The following TTLL5 variants were observed in gnomAD, a reference collection of about 807,000 sequenced individuals.
TTLL5 encodes the protein tubulin tyrosine ligase like 5, also known as tubulin polyglutamylase TTLL5.
A neutral mutation model predicts 168.4 loss-of-function variants in TTLL5; 132 were observed. The ratio of observed to expected loss-of-function variants is 0.78; its 90% confidence interval spans 0.68 to 0.91. TTLL5 has a LOEUF of 0.91. Among genes scored for constraint, TTLL5 ranks in the 40% least tolerant of loss-of-function variants. TTLL5 has a pLI of 0.00. For missense variants in TTLL5, 1,545 were observed against 1,581.5 expected (o/e 0.98, Z 0.39); for synonymous variants, 546 against 558.6 (o/e 0.98, Z 0.32).
At chr14:75,912,097 C>G (rs1450598614) in intron 31 of TTLL5, among the ~76,000 whole-genome samples, 1 of 152,202 alleles carries the variant, frequency 6.6e-6, no homozygotes, top group East Asian at 1.9e-4. Flanking sequence ...GCTGGCTCCT[C>G]CGCAGCCAGC....
chr14:75,783,413 C>T lies in TTLL5; in HGVS notation c.2869C>T (p.Pro957Ser). 6.2e-7 allele frequency: 1 copy of T among 1,614,184 alleles called. No individual in the cohort carries two copies. Among genetic ancestry groups the T allele is most frequent in the East Asian group, 2.2e-5 (1 of 44,876 alleles). The change falls in exon 26 of 32, where the codon CCT becomes TCT. Residue 957 changes from proline to serine, a missense_variant. Physicochemically the swap from Pro to Ser is moderately conservative, Grantham distance 74. Transcript: ENST00000298832. The part of the protein sequence containing the change: ...LHPGAQNIPS[P>S]TGLPRCRSGS... ...TCCCGGGGCACAGAACATCCCAAGC[C>T]CTACTGGCCTGCCACGCTGTCGATC...
intron 20 of TTLL5, among the ~76,000 whole-genome samples, chr14:75,771,325 G>C (rs1357518810): frequency 6.6e-6 from 1 of 152,168 alleles, no homozygotes; most frequent in Non-Finnish European, 1.5e-5. Context: ...TAGTTGGGTG[G>C]CTGAGGCACA....
chr14:75,732,475 C>CTTT (rs5809726), intron 13 of TTLL5, 56 bp downstream of exon 13: 8 of 1,132,152 alleles, frequency 7.1e-6, no homozygotes, highest in South Asian at 2.9e-5. Context: ...ACTTAAAGCA[C>CTTT]TTTTTTTTTT....
intron 31 of TTLL5, among the ~76,000 whole-genome samples, chr14:75,924,863 G>A (rs1470137995): frequency 6.6e-6 from 1 of 151,876 alleles, no homozygotes; most frequent in African/African-American, 2.4e-5. Context: ...GGGGCGGCCG[G>A]GCAGAGGCGC....
At chr14:75,898,113 T>C (rs991961986) in intron 30 of TTLL5, among the ~76,000 whole-genome samples, 1 of 152,224 alleles carries the variant, frequency 6.6e-6, no homozygotes, top group Non-Finnish European at 1.5e-5. Context: ...TATATTCTGG[T>C]GTACTATGAC....
chr14:75,816,192 G>A (rs532988576), intron 27 of TTLL5, among the ~76,000 whole-genome samples: 1 of 152,282 alleles, frequency 6.6e-6, no homozygotes, highest in South Asian at 2.1e-4. Flanking sequence ...ACTTTGGGAG[G>A]CCAAGGCGGG....
chr14:75,811,466 C>T (rs1203591622), intron 27 of TTLL5, among the ~76,000 whole-genome samples: 1 of 152,124 alleles, frequency 6.6e-6, no homozygotes, highest in Admixed American at 6.6e-5. Flanking sequence ...TTAGGCCCAG[C>T]CCAGATGCCA....
At chr14:75,940,884 T>C (rs1445004191) in intron 31 of TTLL5, among the ~76,000 whole-genome samples, 3 of 152,258 alleles carry the variant, frequency 2.0e-5, no homozygotes, top group African/African-American at 4.8e-5. Context: ...ATGAGTTATG[T>C]GCATTTTTCT....
chr14:75,717,633 G>T (rs925849201), intron 9 of TTLL5, among the ~76,000 whole-genome samples: 95 of 152,136 alleles, frequency 6.2e-4, no homozygotes, highest in Non-Finnish European at 7.6e-4. Flanking sequence ...TTTCACATCT[G>T]TTTTTCAACT....
At chr14:75,665,205 AAT>A (rs922334576) in intron 2 of TTLL5, among the ~76,000 whole-genome samples, 1 of 152,244 alleles carries the variant, frequency 6.6e-6, no homozygotes, top group African/African-American at 2.4e-5. Flanking sequence ...GTAACATAGT[AAT>A]ATGTGCTGTT....
chr14:75,886,880 G>C, intron 30 of TTLL5: 1 of 1,479,754 alleles, frequency 6.8e-7, no homozygotes, highest in Non-Finnish European at 8.9e-7. Context: ...TGAGGAGATT[G>C]AAGTTTGCCA....
At chr14:75,703,032 C>CT (rs764692964) in intron 7 of TTLL5, among the ~76,000 whole-genome samples, 3 of 152,212 alleles carry the variant, frequency 2.0e-5, no homozygotes, top group Non-Finnish European at 4.4e-5. Flanking sequence ...CCCTCTTTTC[C>CT]ATGCCTGGAT....
At position 75,928,050 on chromosome 14, in the gene TTLL5, C is replaced by A. The variant is rs1298634909; in HGVS notation, c.3823+25826C>A. The stretch of plus-strand genomic sequence containing the variant: ...CTTAGAGATACCTCAAGTGACCCAG[C>A]CCCTGGTTTGCTGGGATGCTCTTGG... On this transcript the variant is annotated intron_variant, in intron 31 of 31. Coordinates refer to ENST00000298832, the MANE Select transcript of TTLL5 (RefSeq NM_015072.5). Among the ~76,000 whole-genome samples the A allele has an allele frequency of 7.9e-5, 12 of 152,086 alleles. No homozygotes were observed. In the East Asian group the frequency reaches 2.1e-3, roughly 27 times the overall value.
At chr14:75,763,253 CTCTGTGTG>C (rs1208954714) in intron 18 of TTLL5, among the ~76,000 whole-genome samples, 24 of 145,430 alleles carry the variant, frequency 1.7e-4, no homozygotes, top group Admixed American at 5.5e-4. Context: ...ATAGCTCTCT[CTCTGTGTG>C]TGTGTGTGTG....
chr14:75,699,068 A>G (rs1030722862), intron 6 of TTLL5, 120 bp from the exon 7 acceptor site: 5 of 821,246 alleles, frequency 6.1e-6, no homozygotes, highest in Non-Finnish European at 8.0e-6. Context: ...AACACTTAGA[A>G]ATTTGTAAGA....
intron 31 of TTLL5, among the ~76,000 whole-genome samples, chr14:75,929,023 G>A (rs1018867161): frequency 1.3e-4 from 13 of 102,670 alleles, no homozygotes; most frequent in East Asian, 9.7e-4. Context: ...AGTTTATTTC[G>A]TGGCCACGGA....
intron 28 of TTLL5, chr14:75,838,011 C>T (rs1361773142): frequency 6.6e-6 from 1 of 152,120 alleles, no homozygotes; most frequent in Non-Finnish European, 1.5e-5. Flanking sequence ...TTTTCACCTC[C>T]CTGTTTTCAG....
Position 75,742,910 on chromosome 14 carries a change from A to C in TTLL5, c.1282-2185A>C, listed in dbSNP as rs1889359849. 2.0e-5 allele frequency among the ~76,000 whole-genome samples: 3 copies of C among 152,304 alleles called. No homozygotes were observed. In the South Asian group the frequency reaches 6.2e-4, roughly 32 times the overall value. ...TTATTTATATTTGTTTCCTTCCTAAATCTTTCAACTTTCCCCTATAAACCC... is the reference window on the plus strand; with the variant it reads ...TTATTTATATTTGTTTCCTTCCTAACTCTTTCAACTTTCCCCTATAAACCC... On this transcript the variant is annotated intron_variant, in intron 15 of 31. Coordinates refer to ENST00000298832, the MANE Select transcript of TTLL5 (RefSeq NM_015072.5).
intron 31 of TTLL5, among the ~76,000 whole-genome samples, chr14:75,924,780 C>T (rs2033954872): frequency 1.3e-5 from 2 of 152,034 alleles, no homozygotes; most frequent in Non-Finnish European, 1.5e-5. Context: ...TCCCGGCCCG[C>T]TCTCAATGAG....
Sources: gnomAD v4.1 joint callset for allele counts (sites outside exome capture counted in the v4.1 genomes callset) on GRCh38, gnomAD v4.1.1 for gene constraint, MANE v1.5 for transcripts, NCBI Gene and HGNC (gene_info 2026-07-23, HGNC 2026-07-21) for gene names.